CCDC85C: variants seen among roughly 807,000 people sequenced by gnomAD.
CCDC85C encodes coiled-coil domain containing 85C.
Under a neutral mutation model 38.3 loss-of-function variants are expected in CCDC85C, and 18 were observed. That is an observed-to-expected ratio of 0.47 (90% CI 0.33 to 0.70). The LOEUF (loss-of-function observed/expected upper bound fraction) is 0.70. Ranked by LOEUF, CCDC85C falls within the 30% of genes least tolerant of loss-of-function variation. The pLI, the probability that CCDC85C is intolerant of heterozygous loss-of-function variation, is 0.03. For missense variants in CCDC85C, 566 were observed against 621.2 expected, an observed-to-expected ratio of 0.91 and a Z score of 0.94; for synonymous variants, 264 against 293.8, an observed-to-expected ratio of 0.90 and a Z score of 1.04.
chr14:99,549,168 GCT>G (rs1897859723), intron 1 of CCDC85C, among the ~76,000 whole-genome samples: 2 of 152,182 alleles, frequency 1.3e-5, no homozygotes, highest in Non-Finnish European at 2.9e-5. Flanking sequence ...TGGAGTAATC[GCT>G]GTCTCATTAT....
At chr14:99,559,204 G>A (rs887769106) in intron 1 of CCDC85C, among the ~76,000 whole-genome samples, 5 of 112,660 alleles carry the variant, frequency 4.4e-5, no homozygotes, top group African/African-American at 1.5e-4. Context: ...GAGAGCAGCC[G>A]AATACAGGAG....
chr14:99,542,024 G>A (rs1256870858), intron 1 of CCDC85C, among the ~76,000 whole-genome samples: 2 of 152,222 alleles, frequency 1.3e-5, no homozygotes, highest in East Asian at 3.9e-4. Flanking sequence ...GCAGGCTCGT[G>A]GCAGGTCATT....
chr14:99,560,162 G>C (rs1215933845), intron 1 of CCDC85C, among the ~76,000 whole-genome samples: 7 of 152,134 alleles, frequency 4.6e-5, no homozygotes, highest in African/African-American at 1.7e-4. Flanking sequence ...TTTCAGCCCA[G>C]AGTGGCCTCC....
chr14:99,503,954 C>T lies in CCDC85C; in HGVS notation c.*11292G>A. 1 of 383,542 alleles carries T rather than the reference C, an allele frequency of 2.6e-6. No homozygotes were observed. The highest frequency in any genetic ancestry group is 4.9e-6 in the Non-Finnish European group (1 of 205,962). 23.8% of individuals were successfully genotyped at this position (383,542 alleles called of 1,614,324 possible). On this transcript the variant is annotated 3_prime_UTR_variant, in exon 6 of 6. Transcript: ENST00000380243. The stretch of plus-strand genomic sequence containing the variant: ...CAATTTTATTTTTAGAGACTATTTA[C>T]CCCCATCACAGCAGCAGGAGTCCTC...
intron 2 of CCDC85C, among the ~76,000 whole-genome samples, chr14:99,532,043 C>T (rs1216223204): frequency 2.0e-5 from 3 of 152,228 alleles, no homozygotes; most frequent in African/African-American, 4.8e-5. Flanking sequence ...GACACATCCA[C>T]CCAGTTCAAC....
intron 1 of CCDC85C, among the ~76,000 whole-genome samples, chr14:99,549,036 G>T (rs1158771837): frequency 3.9e-5 from 6 of 152,172 alleles, no homozygotes; most frequent in Non-Finnish European, 7.3e-5. Flanking sequence ...CCTGGGAAAA[G>T]TCGGGGAGGG....
Position 99,513,506 on chromosome 14 carries a change from C to T in CCDC85C, c.*1740G>A, listed in dbSNP as rs1897171946. 1 of 152,318 alleles carries T rather than the reference C, an allele frequency of 6.6e-6. No homozygotes were observed. The highest frequency in any genetic ancestry group is 2.1e-4 in the South Asian group (1 of 4,838). 9.4% of individuals were successfully genotyped at this position (152,318 alleles called of 1,614,324 possible). On this transcript the variant is annotated 3_prime_UTR_variant, in exon 6 of 6. Coordinates refer to ENST00000380243, the MANE Select transcript of CCDC85C (RefSeq NM_001144995.2). ...GCGCCACACCATCCCATCACCAGCA[C>T]CCACTTACCCCCCTGGGGCTAAGAT...
intron 1 of CCDC85C, among the ~76,000 whole-genome samples, chr14:99,585,863 C>T (rs1416275113): frequency 6.6e-6 from 1 of 152,212 alleles, no homozygotes; most frequent in East Asian, 1.9e-4. Flanking sequence ...TTGCCAAACA[C>T]AGCAGGGAGG....
In CCDC85C at chr14:99,527,219, G is replaced by A. The variant is rs1223321398; in HGVS notation, c.868-4979C>T. Among the ~76,000 whole-genome samples the A allele has an allele frequency of 3.3e-5, 5 of 152,328 alleles. No homozygotes were observed. In the South Asian group the frequency reaches 6.2e-4, roughly 19 times the overall value. On this transcript the variant is annotated intron_variant, in intron 2 of 5. Coordinates refer to ENST00000380243, the MANE Select transcript of CCDC85C (RefSeq NM_001144995.2). The stretch of plus-strand genomic sequence containing the variant: ...GGAGGTAGACTTGGCACTGTGTAAT[G>A]ACGTTGTTGGTTTATCGTCTGTCTG...
intron 1 of CCDC85C, among the ~76,000 whole-genome samples, chr14:99,583,562 T>C (rs1011071813): frequency 6.7e-6 from 1 of 149,902 alleles, no homozygotes; most frequent in East Asian, 2.0e-4. Flanking sequence ...ATCCCAGCAC[T>C]TTGGGAGGCC....
Position 99,512,337 on chromosome 14 carries a change from A to G in CCDC85C, c.*2909T>C, listed in dbSNP as rs1286521860. On this transcript the variant is annotated 3_prime_UTR_variant, in exon 6 of 6. Transcript: ENST00000380243. The stretch of plus-strand genomic sequence containing the variant: ...CCCGGGGACAGAAACCAGACGTTCC[A>G]GTCCATCTCCAAAAAGCAGCACAAA... The G allele has an allele frequency of 6.6e-6, 1 of 152,052 alleles. No individual in the cohort carries two copies. The allele number at this position is 152,052 out of a possible 1,614,324, so 9.4% of individuals were successfully genotyped here.
At position 99,603,110 on chromosome 14, in the gene CCDC85C, C is replaced by G; in HGVS notation, c.793+57G>C. On this transcript the variant is annotated intron_variant, in intron 1 of 5. Transcript: ENST00000380243. The surrounding 1 kb of genome is among the most constrained non-coding windows in gnomAD (Gnocchi z 7.5). ...AGGGACCACCTCCTCTCGCCGCAGC[C>G]TGGGAAAAGGGCTGCAGCCAGGGAG... The G allele has an allele frequency of 1.6e-6, 2 of 1,280,734 alleles. No homozygotes were observed. Among genetic ancestry groups the G allele is most frequent in the South Asian group, 4.9e-5 (2 of 40,996 alleles). 79.3% of individuals were successfully genotyped at this position (1,280,734 alleles called of 1,614,324 possible). A position where few individuals can be genotyped will look rare whatever the true frequency, so the allele number is the denominator to read the frequency against.
Position 99,544,489 on chromosome 14 carries a change from GGT to G in CCDC85C, c.794-8403_794-8402del, listed in dbSNP as rs111754976. Among the ~76,000 whole-genome samples the G allele has an allele frequency of 0.043, 6,301 of 147,478 alleles. 293 individuals are homozygous for G. The highest frequency in any genetic ancestry group is 0.12 in the African/African-American group (4,913 of 40,400). ...ATAAAAACAGGGCTAAAATTTGAAG[GGT>G]GTGTGTGTGTGTGTGTGTGTGTGTG... On this transcript the variant is annotated intron_variant, in intron 1 of 5. Coordinates refer to ENST00000380243, the MANE Select transcript of CCDC85C (RefSeq NM_001144995.2). The surrounding 1 kb of genome is among the most constrained non-coding windows in gnomAD (Gnocchi z 5.3).
At chr14:99,591,729 C>CTTT (rs1175560388) in intron 1 of CCDC85C, among the ~76,000 whole-genome samples, 10 of 138,180 alleles carry the variant, frequency 7.2e-5, no homozygotes, top group African/African-American at 2.7e-4. Context: ...TTCTTGGTTT[C>CTTT]TTTTCTTTTT....
Position 99,545,434 on chromosome 14 carries a change from T to A in CCDC85C, c.794-9346A>T, listed in dbSNP as rs534301303. On this transcript the variant is annotated intron_variant, in intron 1 of 5. Transcript: ENST00000380243. This position sits in a 1 kb window ranked among gnomAD's most constrained non-coding sequence, Gnocchi z 4.7. Reference sequence around the variant, plus strand: ...ACCAAAACTCAAACTCATTTCTCCATCCGCTGCTTGGGAAGCCTGACAAGC... The same window carrying A: ...ACCAAAACTCAAACTCATTTCTCCAACCGCTGCTTGGGAAGCCTGACAAGC... 2.0e-5 allele frequency among the ~76,000 whole-genome samples: 3 copies of A among 152,062 alleles called. No individual in the cohort carries two copies. The highest frequency in any genetic ancestry group is 2.9e-5 in the Non-Finnish European group (2 of 68,030).
rs182332141 is a variant in CCDC85C at position 99,572,416 on chromosome 14, C to T, written c.793+30751G>A. Among the ~76,000 whole-genome samples, 27 of 152,278 alleles carry T rather than the reference C, an allele frequency of 1.8e-4. No homozygotes were observed. Among genetic ancestry groups the T allele is most frequent in the Middle Eastern group, 3.4e-3 (1 of 294 alleles). ...TCAGCCTGCAATCCCGGCTCCCACCCCCACCCCAAGGCCCTGCTCCACAGG... is the reference window on the plus strand; with the variant it reads ...TCAGCCTGCAATCCCGGCTCCCACCTCCACCCCAAGGCCCTGCTCCACAGG... On this transcript the variant is annotated intron_variant, in intron 1 of 5. Transcript: ENST00000380243. The surrounding 1 kb of genome is among the most constrained non-coding windows in gnomAD (Gnocchi z 4.4).
chr14:99,557,631 A>C (rs1256859103), intron 1 of CCDC85C, among the ~76,000 whole-genome samples: 2 of 152,212 alleles, frequency 1.3e-5, no homozygotes, highest in African/African-American at 2.4e-5. Context: ...CCCAGGGTAC[A>C]GGTGGCTCCC....
In CCDC85C at chr14:99,504,951, G is replaced by A. The variant is rs1396064872; in HGVS notation, c.*10295C>T. The stretch of plus-strand genomic sequence containing the variant: ...AGGGGGAGGATGGAGCAATAAGTTG[G>A]AAGTACGCAAGTGAGCAAAGGAATT... On this transcript the variant is annotated 3_prime_UTR_variant, in exon 6 of 6. Coordinates refer to ENST00000380243, the MANE Select transcript of CCDC85C (RefSeq NM_001144995.2). 6.6e-6 allele frequency: 1 copy of A among 152,300 alleles called. No individual in the cohort carries two copies. Among genetic ancestry groups the A allele is most frequent in the Admixed American group, 6.5e-5 (1 of 15,278 alleles). The allele number at this position is 152,300 out of a possible 1,614,324, so 9.4% of individuals were successfully genotyped here.
Position 99,515,134 on chromosome 14 carries a change from A to G in CCDC85C, c.*112T>C. 4 of 761,658 alleles carry G rather than the reference A, an allele frequency of 5.3e-6. No homozygotes were observed. The highest frequency in any genetic ancestry group is 8.6e-6 in the Non-Finnish European group (4 of 466,980). The allele number at this position is 761,658 out of a possible 1,614,324, so 47.2% of individuals were successfully genotyped here. A position where few individuals can be genotyped will look rare whatever the true frequency, so the allele number is the denominator to read the frequency against. On this transcript the variant is annotated 3_prime_UTR_variant, in exon 6 of 6. Coordinates refer to ENST00000380243, the MANE Select transcript of CCDC85C (RefSeq NM_001144995.2). Reference sequence around the variant, plus strand: ...GCGGGCAGCGTCCTATGTACAGTTCACCACAGAGGAAGAAGACAGGGGCTG... The same window carrying G: ...GCGGGCAGCGTCCTATGTACAGTTCGCCACAGAGGAAGAAGACAGGGGCTG...
Sources: allele counts gnomAD v4.1 joint callset (sites outside exome capture counted in the v4.1 genomes callset), GRCh38; gene constraint gnomAD v4.1.1; non-coding constraint Gnocchi (gnomAD v3.1); transcripts MANE v1.5; gene names NCBI Gene and HGNC (gene_info 2026-07-23, HGNC 2026-07-21).